Variants in SELE observed in about 807,000 individuals in gnomAD.
SELE encodes the protein selectin E.
Under a neutral mutation model 75.8 loss-of-function variants are expected in SELE, and 52 were observed. That is an observed-to-expected ratio of 0.69 (90% CI 0.55 to 0.86). SELE has a LOEUF of 0.86. Ranked by LOEUF, SELE falls within the 40% of genes least tolerant of loss-of-function variation. The pLI, the probability that SELE is intolerant of heterozygous loss-of-function variation, is 0.00. For synonymous variants in SELE, 285 were observed against 258.7 expected (o/e 1.10, Z -0.98); for missense variants, 754 against 732.7 (o/e 1.03, Z -0.34).
chr1:169,733,564 GC>G lies in SELE; in HGVS notation c.37+11del, dbSNP rs755295978. On this transcript the variant is annotated intron_variant, in intron 2 of 13. Coordinates refer to ENST00000333360, the MANE Select transcript of SELE (RefSeq NM_000450.2). Reference sequence around the variant, plus strand: ...GAGAATGAGAAATCTTGGTCTAATGGCACTGACTTACCCAAAGTGAGAGCTG... The same window carrying G: ...GAGAATGAGAAATCTTGGTCTAATGGACTGACTTACCCAAAGTGAGAGCTG... 1 of 1,611,672 alleles carries G rather than the reference GC, an allele frequency of 6.2e-7. No individual in the cohort carries two copies.
In SELE at chr1:169,729,410, T is replaced by C. The variant is rs1558014341; in HGVS notation, c.902-36A>G. On this transcript the variant is annotated intron_variant, in intron 6 of 13. Transcript: ENST00000333360. ...TATACGCATTGATATTAGCACGGCC[T>C]AGAATTAGCTTGCCCATTTCCAGTA... 2.5e-6 allele frequency: 4 copies of C among 1,609,074 alleles called. No individual in the cohort carries two copies. In the African/African-American group the frequency reaches 4.0e-5, roughly 16 times the overall value.
intron 10 of SELE, among the ~76,000 whole-genome samples, 193 bp downstream of exon 10, chr1:169,727,156 T>C (rs1038000911): frequency 1.3e-5 from 2 of 152,210 alleles, no homozygotes; most frequent in South Asian, 4.1e-4. Context: ...TTTTTCCAGT[T>C]GTCAGAATTC....
Position 169,727,740 on chromosome 1 carries a change from T to C in SELE, c.1467A>G (p.Gln489=). The change falls in exon 9 of 14, where the codon CAA becomes CAG. Residue 489 remains glutamine, a splice_region_variant and synonymous_variant. Transcript: ENST00000333360. ...AAAAAAGTCTGCACTCAATTCTACCTTGGCAGGAAGGAACCTCTTCTGTCC... is the reference window on the plus strand; with the variant it reads ...AAAAAAGTCTGCACTCAATTCTACCCTGGCAGGAAGGAACCTCTTCTGTCC... ...GQWTEEVPSC[Q]VVKCSSLAVP... The C allele has an allele frequency of 6.2e-7, 1 of 1,613,482 alleles. No individual in the cohort carries two copies. The highest frequency in any genetic ancestry group is 8.5e-7 in the Non-Finnish European group (1 of 1,179,622).
intron 13 of SELE, among the ~76,000 whole-genome samples, chr1:169,725,120 G>T (rs1247485786): frequency 6.6e-6 from 1 of 152,126 alleles, no homozygotes; most frequent in African/African-American, 2.4e-5. Context: ...AGGCCCAGTG[G>T]CTCACGCCTG....
chr1:169,733,076 T>C (rs931110512), intron 2 of SELE, 78 bp from the exon 3 acceptor site: 38 of 1,423,008 alleles, frequency 2.7e-5, no homozygotes, highest in Non-Finnish European at 3.4e-5. Context: ...CTTTTTATTG[T>C]CTTATTTTTG....
intron 2 of SELE, 100 bp downstream of exon 2, chr1:169,733,476 G>T (rs3917453): frequency 0.084 from 100,262 of 1,199,144 alleles, 4,727 homozygotes; most frequent in Middle Eastern, 0.11. Context: ...GATGCTGCCA[G>T]ATATCCTGTG....
At position 169,733,589 on chromosome 1, in the gene SELE, T is replaced by C; in HGVS notation, c.24A>G (p.Ser8=). ...GCACTGACTTACCCAAAGTGAGAGC[T>C]GAGAGAAACTGTGAAGCAATCATGA... MIASQFL[S]ALTLVLLIKE... The change falls in exon 2 of 14, where the codon TCA becomes TCG. Residue 8 remains serine, a synonymous_variant. Transcript: ENST00000333360. The C allele has an allele frequency of 6.2e-7, 1 of 1,614,012 alleles. No individual in the cohort carries two copies. The highest frequency in any genetic ancestry group is 8.5e-7 in the Non-Finnish European group (1 of 1,179,890).
Position 169,729,604 on chromosome 1 carries a change from A to G in SELE, c.785T>C (p.Phe262Ser). The G allele has an allele frequency of 6.2e-7, 1 of 1,614,156 alleles. No individual in the cohort carries two copies. Among genetic ancestry groups the G allele is most frequent in the South Asian group, 1.1e-5 (1 of 91,074 alleles). ...AAATGTACAGGTTGTGTTCCATGGG[A>G]AGCTTCCAGGGTTTTGGAAACATTC... is the stretch of plus-strand genomic sequence containing the variant. ...FVECFQNPGS[F>S]PWNTTCTFDC... Residue 262 changes from phenylalanine to serine, a missense_variant, in exon 6 of 14, where the codon TTC becomes TCC. Physicochemically the swap from Phe to Ser is radical, Grantham distance 155. Transcript: ENST00000333360.
intron 3 of SELE, among the ~76,000 whole-genome samples, chr1:169,732,192 G>A (rs1429073321): frequency 6.6e-6 from 1 of 152,022 alleles, no homozygotes; most frequent in Non-Finnish European, 1.5e-5. Flanking sequence ...TCTGAAGACA[G>A]TTCCCCTACC....
chr1:169,732,020 T>G, intron 3 of SELE, 78 bp from the exon 4 acceptor site: 1 of 877,022 alleles, frequency 1.1e-6, no homozygotes, highest in Non-Finnish European at 1.9e-6. Flanking sequence ...GAATCAACAG[T>G]GTGCAACAGA....
chr1:169,726,032 C>T (rs1241701267), intron 11 of SELE, 104 bp from the exon 12 acceptor site: 5 of 1,325,430 alleles, frequency 3.8e-6, no homozygotes, highest in African/African-American at 2.9e-5. Context: ...GTTGCAAACT[C>T]GATGCTTCAG....
rs1648678272 is a variant in SELE, at chr1:169,723,565, A to G, written c.*960T>C. 1 of 152,250 alleles carries G rather than the reference A, an allele frequency of 6.6e-6. No homozygotes were observed. The highest frequency in any genetic ancestry group is 2.4e-5 in the African/African-American group (1 of 41,470). 9.4% of individuals were successfully genotyped at this position (152,250 alleles called of 1,614,324 possible). On this transcript the variant is annotated 3_prime_UTR_variant, in exon 14 of 14. Coordinates refer to ENST00000333360, the MANE Select transcript of SELE (RefSeq NM_000450.2). Reference sequence around the variant, plus strand: ...CATATTTCTGAAAAAATATCTGACAATATACAAACCTTCCATTCAGTTTTT... The same window carrying G: ...CATATTTCTGAAAAAATATCTGACAGTATACAAACCTTCCATTCAGTTTTT...
chr1:169,725,125 C>T (rs1211621647), intron 13 of SELE, among the ~76,000 whole-genome samples: 17 of 152,120 alleles, frequency 1.1e-4, no homozygotes, highest in African/African-American at 2.9e-4. Context: ...CAGTGGCTCA[C>T]GCCTGTAATC....
chr1:169,727,389 T>C lies in SELE; in HGVS notation c.1605A>G (p.Gly535=). The part of the protein sequence containing the change: ...TLNGSAARTC[G]ATGHWSGLLP... ...GCAGGCCAGACCAGTGTCCTGTGGC[T>C]CCACATGTCCGAGCTGCAGAGCCAT... The change falls in exon 10 of 14, where the codon GGA becomes GGG. Residue 535 remains glycine, a synonymous_variant. Coordinates refer to ENST00000333360, the MANE Select transcript of SELE (RefSeq NM_000450.2). 1 of 1,614,144 alleles carries C rather than the reference T, an allele frequency of 6.2e-7. No homozygotes were observed. The highest frequency in any genetic ancestry group is 8.5e-7 in the Non-Finnish European group (1 of 1,180,016).
intron 7 of SELE, 30 bp downstream of exon 7, chr1:169,729,156 A>T: frequency 6.5e-7 from 1 of 1,544,178 alleles, no homozygotes; most frequent in Non-Finnish European, 8.7e-7. Context: ...GTTCTTTAAG[A>T]AAGTATAAAT....
intron 6 of SELE, 52 bp downstream of exon 6, chr1:169,729,436 T>C (rs1209865786): frequency 1.9e-6 from 3 of 1,608,522 alleles, no homozygotes; most frequent in Admixed American, 3.3e-5. Context: ...ATTTCCAGTA[T>C]GGGTTGAGAG....
chr1:169,733,525 A>C (rs1432035572), intron 2 of SELE, 51 bp downstream of exon 2: 7 of 1,566,904 alleles, frequency 4.5e-6, no homozygotes, highest in Non-Finnish European at 6.2e-6. Flanking sequence ...TTCAGTCTGA[A>C]ATATCTATAG....
At chr1:169,733,505 G>C in intron 2 of SELE, 71 bp downstream of exon 2, 2 of 1,456,846 alleles carry the variant, frequency 1.4e-6, no homozygotes, top group South Asian at 2.3e-5. Context: ...CCCCAGACAA[G>C]CAAGGATATT....
Position 169,729,565 on chromosome 1 carries a change from C to T in SELE, c.824G>A (p.Gly275Glu). Residue 275 changes from glycine (G) to glutamate (E), a missense_variant, in exon 6 of 14, where the codon GGA becomes GAA. Gly to Glu is a moderately conservative substitution (Grantham distance 98). Transcript: ENST00000333360. ...GCTCTGGGCTCCCATTAGTTCAAAT[C>T]CTTCTTCACAGTCAAATGTACAGGT... ...NTTCTFDCEEGFELMGAQSLQ... is the reference protein window; with the variant it reads ...NTTCTFDCEEEFELMGAQSLQ... The T allele has an allele frequency of 6.2e-7, 1 of 1,614,178 alleles. No individual in the cohort carries two copies. The highest frequency in any genetic ancestry group is 1.1e-5 in the South Asian group (1 of 91,088).
Sources: gnomAD v4.1 joint callset for allele counts (sites outside exome capture counted in the v4.1 genomes callset) on GRCh38, gnomAD v4.1.1 for gene constraint, MANE v1.5 for transcripts, NCBI Gene and HGNC (gene_info 2026-07-23, HGNC 2026-07-21) for gene names.